The following TMEM236 variants were observed in gnomAD, a reference collection of about 807,000 sequenced individuals.
The protein encoded by TMEM236 is family with sequence similarity 23, member A.
In TMEM236, 11 loss-of-function variants were observed where a neutral mutation model predicts 14.7. That is an observed-to-expected ratio of 0.75 (90% CI 0.47 to 1.24). The LOEUF (loss-of-function observed/expected upper bound fraction) is 1.24. TMEM236 is among the 50% of genes most tolerant of loss of function. The pLI is 0.00. For missense variants in TMEM236, 464 were observed against 427.3 expected (o/e 1.09, Z -0.76); for synonymous variants, 182 against 168.6 (o/e 1.08, Z -0.62).
chr10:17,784,981 G>A (rs1235731804), intron 3 of TMEM236, among the ~76,000 whole-genome samples: 1 of 152,274 alleles, frequency 6.6e-6, no homozygotes, highest in South Asian at 2.1e-4. Flanking sequence ...CCTCACTGAG[G>A]CTCAGAAATC....
chr10:17,762,431 C>T (rs1837380490), intron 1 of TMEM236, among the ~76,000 whole-genome samples: 2 of 151,544 alleles, frequency 1.3e-5, no homozygotes, highest in African/African-American at 4.9e-5. Flanking sequence ...AATTGGCTTC[C>T]ACTGCAATGA....
At chr10:17,785,778 G>A (rs1837826465) in intron 3 of TMEM236, among the ~76,000 whole-genome samples, 1 of 152,082 alleles carries the variant, frequency 6.6e-6, no homozygotes, top group South Asian at 2.1e-4. Flanking sequence ...CCCTCCCTTT[G>A]CTACTTAGAA....
chr10:17,794,069 C>G (rs1449202229), intron 3 of TMEM236, among the ~76,000 whole-genome samples: 2 of 152,084 alleles, frequency 1.3e-5, no homozygotes, highest in African/African-American at 4.8e-5. Context: ...TAAAAATGCT[C>G]AATTCACACT....
At chr10:17,794,575 C>T (rs930948793) in intron 3 of TMEM236, among the ~76,000 whole-genome samples, 1 of 152,128 alleles carries the variant, frequency 6.6e-6, no homozygotes. Flanking sequence ...AATGGTGTTG[C>T]ATCACGTGCC....
intron 1 of TMEM236, among the ~76,000 whole-genome samples, chr10:17,763,454 A>G (rs1167736731): frequency 1.3e-5 from 2 of 152,110 alleles, no homozygotes; most frequent in African/African-American, 4.8e-5. Flanking sequence ...AAAACCCTCA[A>G]TGCTGACAGT....
At chr10:17,785,004 G>T (rs948251276) in intron 3 of TMEM236, among the ~76,000 whole-genome samples, 38 of 152,306 alleles carry the variant, frequency 2.5e-4, no homozygotes, top group African/African-American at 8.2e-4. Flanking sequence ...GGCCTTGCAG[G>T]TTGAAAAGAT....
intron 2 of TMEM236, among the ~76,000 whole-genome samples, chr10:17,774,470 T>A (rs1589146592): frequency 1.3e-5 from 2 of 152,196 alleles, no homozygotes; most frequent in South Asian, 4.1e-4. Flanking sequence ...TAACATTCAA[T>A]GGACCGAGCA....
At chr10:17,790,089 G>T (rs1307273400) in intron 3 of TMEM236, among the ~76,000 whole-genome samples, 1 of 152,074 alleles carries the variant, frequency 6.6e-6, no homozygotes, top group African/African-American at 2.4e-5. Context: ...AATGAGCCAG[G>T]CGTCATAGCG....
rs1039454987 is a variant in TMEM236 at position 17,799,862 on chromosome 10, G to A, written c.*3358G>A. 6.6e-6 allele frequency: 1 copy of A among 152,292 alleles called. No individual in the cohort carries two copies. Among genetic ancestry groups the A allele is most frequent in the African/African-American group, 2.4e-5 (1 of 41,328 alleles). 9.4% of individuals were successfully genotyped at this position (152,292 alleles called of 1,614,324 possible). On this transcript the variant is annotated 3_prime_UTR_variant, in exon 4 of 4. Transcript: ENST00000377495. ...GTCACAACACTATACAAATAATGAA[G>A]GCATGTACAGAAGATTATGTGTAGG...
At chr10:17,758,642 G>A (rs1837315333) in intron 1 of TMEM236, among the ~76,000 whole-genome samples, 1 of 152,178 alleles carries the variant, frequency 6.6e-6, no homozygotes, top group Non-Finnish European at 1.5e-5. Flanking sequence ...GAATATAAGT[G>A]TTATGACCTC....
At position 17,798,670 on chromosome 10, in the gene TMEM236, G is replaced by C; in HGVS notation, c.*2166G>C. 1.9e-6 allele frequency: 1 copy of C among 534,498 alleles called. No individual in the cohort carries two copies. The highest frequency in any genetic ancestry group is 3.8e-6 in the Non-Finnish European group (1 of 259,916). The allele number at this position is 534,498 out of a possible 1,614,324, so 33.1% of individuals were successfully genotyped here. ...TGTAAAAGAAGATTTACTCACAGTT[G>C]TTAAAAGCTTGCCTTCCAGCTTTCT... On this transcript the variant is annotated 3_prime_UTR_variant, in exon 4 of 4. Coordinates refer to ENST00000377495, the MANE Select transcript of TMEM236 (RefSeq NM_001098844.3).
chr10:17,789,425 T>C (rs2131764737), intron 3 of TMEM236, among the ~76,000 whole-genome samples: 1 of 152,348 alleles, frequency 6.6e-6, no homozygotes, highest in Non-Finnish European at 1.5e-5. Flanking sequence ...TGCTACTTTT[T>C]ATTTATTTAA....
intron 1 of TMEM236, among the ~76,000 whole-genome samples, chr10:17,770,715 A>G (rs1190004375): frequency 6.6e-6 from 1 of 152,110 alleles, no homozygotes; most frequent in East Asian, 1.9e-4. Context: ...AAGATATACT[A>G]TTTTCTACAT....
At chr10:17,772,241 T>C (rs1837584922) in intron 2 of TMEM236, among the ~76,000 whole-genome samples, 1 of 152,208 alleles carries the variant, frequency 6.6e-6, no homozygotes, top group South Asian at 2.1e-4. Flanking sequence ...GAGTAATGTA[T>C]GACATTAGAA....
chr10:17,752,564 A>G lies in TMEM236; in HGVS notation c.257+12A>G. On this transcript the variant is annotated intron_variant, in intron 1 of 3. Coordinates refer to ENST00000377495, the MANE Select transcript of TMEM236 (RefSeq NM_001098844.3). ...AAAATTAAAGGATGGTAAGTAAAAG[A>G]ATTTTCTTTTTTTTCTTTTTGATTT... 6.2e-7 allele frequency: 1 copy of G among 1,612,688 alleles called. No homozygotes were observed. Among genetic ancestry groups the G allele is most frequent in the Non-Finnish European group, 8.5e-7 (1 of 1,178,908 alleles).
At chr10:17,755,823 C>A (rs1837277072) in intron 1 of TMEM236, among the ~76,000 whole-genome samples, 1 of 152,170 alleles carries the variant, frequency 6.6e-6, no homozygotes, top group Non-Finnish European at 1.5e-5. Flanking sequence ...TTCACATTGA[C>A]TCAAATCCCT....
intron 1 of TMEM236, among the ~76,000 whole-genome samples, chr10:17,763,146 A>G (rs907345020): frequency 2.0e-5 from 3 of 152,200 alleles, no homozygotes; most frequent in Non-Finnish European, 4.4e-5. Flanking sequence ...GTGACCCACC[A>G]CTAGTCCTTT....
chr10:17,776,956 G>T (rs1837667406), intron 3 of TMEM236, among the ~76,000 whole-genome samples: 1 of 152,056 alleles, frequency 6.6e-6, no homozygotes, highest in South Asian at 2.1e-4. Flanking sequence ...TGTTTAATTG[G>T]CAATATTTGT....
At chr10:17,776,307 G>A in intron 3 of TMEM236, 137 bp downstream of exon 3, 1 of 865,992 alleles carries the variant, frequency 1.2e-6, no homozygotes, top group Admixed American at 2.4e-5. Flanking sequence ...TGCAAATGAA[G>A]ATATCTAAAC....
Sources: gnomAD v4.1 joint callset for allele counts (sites outside exome capture counted in the v4.1 genomes callset) on GRCh38, gnomAD v4.1.1 for gene constraint, MANE v1.5 for transcripts, NCBI Gene and HGNC (gene_info 2026-07-23, HGNC 2026-07-21) for gene names.